PLEKHG1: variants seen among roughly 807,000 people sequenced by gnomAD.
The protein encoded by PLEKHG1 is pleckstrin homology and RhoGEF domain containing G1.
A neutral mutation model predicts 100.8 loss-of-function variants in PLEKHG1; 44 were observed. The ratio of observed to expected loss-of-function variants is 0.44; its 90% CI spans 0.34 to 0.56. The LOEUF is 0.56. Ranked by LOEUF, PLEKHG1 falls within the 20% of genes least tolerant of loss-of-function variation. The probability of loss-of-function intolerance (pLI) is 0.01; values close to 1 mark genes in which losing one functional copy is unlikely to be tolerated. For missense variants in PLEKHG1, 1,545 were observed against 1,720.9 expected, an observed-to-expected ratio of 0.90 and a Z score of 1.81; for synonymous variants, 640 against 662.5, an observed-to-expected ratio of 0.97 and a Z score of 0.52.
At chr6:150,676,285 A>C (rs1310559006) in intron 3 of PLEKHG1, among the ~76,000 whole-genome samples, 1 of 152,244 alleles carries the variant, frequency 6.6e-6, no homozygotes, top group African/African-American at 2.4e-5. Flanking sequence ...TAATTGGATA[A>C]GTGGTCCAAG....
chr6:150,834,062 T>C (rs1393141965), intron 15 of PLEKHG1, among the ~76,000 whole-genome samples: 3 of 152,174 alleles, frequency 2.0e-5, no homozygotes, highest in African/African-American at 7.2e-5. Context: ...GTTTTAATCT[T>C]CAGTACAATT....
intron 3 of PLEKHG1, among the ~76,000 whole-genome samples, chr6:150,654,214 G>T (rs1042705016): frequency 6.6e-6 from 1 of 152,220 alleles, no homozygotes; most frequent in African/African-American, 2.4e-5. Context: ...GGTGCTGAGG[G>T]CGTCCTGATC....
chr6:150,645,837 T>C (rs1202206327), intron 2 of PLEKHG1, among the ~76,000 whole-genome samples: 5 of 152,308 alleles, frequency 3.3e-5, no homozygotes, highest in African/African-American at 1.2e-4. Flanking sequence ...GAATTACCAG[T>C]AAAGTTCACC....
intron 4 of PLEKHG1, among the ~76,000 whole-genome samples, chr6:150,792,521 A>C (rs1052144419): frequency 5.9e-5 from 9 of 151,482 alleles, no homozygotes; most frequent in Non-Finnish European, 1.2e-4. Context: ...AAAGATAGAA[A>C]TATTTAGCTG....
intron 3 of PLEKHG1, among the ~76,000 whole-genome samples, chr6:150,701,447 AT>A (rs1780777442): frequency 2.5e-5 from 2 of 80,948 alleles, no homozygotes; most frequent in African/African-American, 2.6e-4. Flanking sequence ...ATATATATAT[AT>A]ATATATATAT....
At position 150,611,811 on chromosome 6, in the gene PLEKHG1, C is replaced by CAAAAAA. The variant is rs35351890; in HGVS notation, c.-204+11805_-204+11810dup. Among the ~76,000 whole-genome samples, 337 of 121,552 alleles carry CAAAAAA rather than the reference C, an allele frequency of 2.8e-3. 8 individuals are homozygous for CAAAAAA. Among genetic ancestry groups the CAAAAAA allele is most frequent in the Admixed American group, 0.022 (267 of 12,226 alleles). The allele number at this position is 121,552 out of a possible 152,430, so 79.7% of individuals were successfully genotyped here. Reference sequence around the variant, plus strand: ...TGGGTGACAGAGTGAGACTCCATCTCAAAAAAAAAAAAAAAAGAAAGAAAA... The same window carrying CAAAAAA: ...TGGGTGACAGAGTGAGACTCCATCTCAAAAAAAAAAAAAAAAAAAAAAGAAAGAAAA... On this transcript the variant is annotated intron_variant, in intron 1 of 3. Coordinates refer to the PLEKHG1 transcript ENST00000367326.
At chr6:150,644,353 G>GTT (rs1778403177) in intron 2 of PLEKHG1, among the ~76,000 whole-genome samples, 1 of 43,218 alleles carries the variant, frequency 2.3e-5, no homozygotes, top group African/African-American at 8.0e-5. Flanking sequence ...TTTTTTTTTT[G>GTT]TTACAGAGTC....
exon 16 of PLEKHG1, chr6:150,840,301 T>G: frequency 1.2e-6 from 2 of 1,614,206 alleles, no homozygotes; most frequent in Non-Finnish European, 8.5e-7. Context: ...TCCTCCGTCT[T>G]GATCAACAAA....
At chr6:150,677,283 T>TACGC (rs756621195) in intron 3 of PLEKHG1, among the ~76,000 whole-genome samples, 5 of 134,260 alleles carry the variant, frequency 3.7e-5, no homozygotes, top group African/African-American at 1.3e-4. Flanking sequence ...TTTCTTCCCC[T>TACGC]ATACACACAC....
At chr6:150,706,998 C>CTTTTTTTTTTTTTTTTTTTTTTT (rs71014517) in intron 3 of PLEKHG1, among the ~76,000 whole-genome samples, 1 of 51,924 alleles carries the variant, frequency 1.9e-5, no homozygotes, top group African/African-American at 7.8e-5. Context: ...TTTTCTTTTT[C>CTTTTTTTTTTTTTTTTTTTTTTT]TTTTTTTTTT....
At chr6:150,612,580 G>A (rs139699198) in intron 1 of PLEKHG1, among the ~76,000 whole-genome samples, 20 of 152,194 alleles carry the variant, frequency 1.3e-4, no homozygotes, top group Non-Finnish European at 2.8e-4. Flanking sequence ...TGATTCACCC[G>A]CCTCAACTTC....
At chr6:150,749,512 T>G (rs1277360564) in intron 2 of PLEKHG1, among the ~76,000 whole-genome samples, 1 of 152,102 alleles carries the variant, frequency 6.6e-6, no homozygotes, top group Non-Finnish European at 1.5e-5. Context: ...AGCAGAAATA[T>G]AGGTAGCCTT....
chr6:150,828,864 T>A (rs1009371847), intron 14 of PLEKHG1, among the ~76,000 whole-genome samples: 2 of 152,208 alleles, frequency 1.3e-5, no homozygotes, highest in African/African-American at 4.8e-5. Flanking sequence ...GCAGTCTGAG[T>A]AAGGTGAAGA....
chr6:150,796,646 A>G (rs1238864835), intron 5 of PLEKHG1, among the ~76,000 whole-genome samples: 3 of 152,170 alleles, frequency 2.0e-5, no homozygotes, highest in Non-Finnish European at 4.4e-5. Flanking sequence ...AAAGCAATCC[A>G]GAGACATTGA....
chr6:150,763,906 C>T (rs530146100), intron 2 of PLEKHG1, among the ~76,000 whole-genome samples: 1 of 152,294 alleles, frequency 6.6e-6, no homozygotes, highest in East Asian at 1.9e-4. Context: ...CCCAGACTTC[C>T]TTCCACTGAA....
At chr6:150,760,340 A>G (rs1014021726) in intron 2 of PLEKHG1, among the ~76,000 whole-genome samples, 3 of 152,226 alleles carry the variant, frequency 2.0e-5, no homozygotes, top group African/African-American at 7.2e-5. Flanking sequence ...CCTGGAGAGT[A>G]AAAAGGTAGT....
chr6:150,825,892 A>T (rs947632128), intron 14 of PLEKHG1, among the ~76,000 whole-genome samples: 11 of 152,172 alleles, frequency 7.2e-5, no homozygotes, highest in Non-Finnish European at 1.6e-4. Flanking sequence ...ATGATAGCTA[A>T]TATCGGCCTG....
At chr6:150,667,195 C>T (rs187717224) in intron 3 of PLEKHG1, among the ~76,000 whole-genome samples, 20 of 152,246 alleles carry the variant, frequency 1.3e-4, no homozygotes, top group Non-Finnish European at 2.6e-4. Flanking sequence ...AGGGTTGGGT[C>T]TGCATCACCT....
chr6:150,626,555 T>C (rs544949322), intron 1 of PLEKHG1, among the ~76,000 whole-genome samples: 1 of 152,332 alleles, frequency 6.6e-6, no homozygotes, highest in East Asian at 1.9e-4. Context: ...TGCACCATGT[T>C]GGTTAATTCA....
Sources: allele counts gnomAD v4.1 joint callset (sites outside exome capture counted in the v4.1 genomes callset), GRCh38; gene constraint gnomAD v4.1.1; transcripts MANE v1.5; gene names NCBI Gene and HGNC (gene_info 2026-07-23, HGNC 2026-07-21).